The following MACC1 variants were observed in gnomAD, a reference collection of about 807,000 sequenced individuals.
MACC1 encodes the protein metastasis-associated in colon cancer protein 1.
In MACC1, 79 loss-of-function variants were observed where a neutral mutation model predicts 70.7. The ratio of observed to expected loss-of-function variants is 1.12; its 90% confidence interval spans 0.93 to 1.35. The LOEUF (loss-of-function observed/expected upper bound fraction) is 1.35. Among genes scored for constraint, MACC1 ranks in the 40% most tolerant of loss-of-function variants. The probability of loss-of-function intolerance (pLI) is 0.00; values close to 1 mark genes in which losing one functional copy is unlikely to be tolerated. For synonymous variants in MACC1, 361 were observed against 347.2 expected, an observed-to-expected ratio of 1.04 and a Z score of -0.44; for missense variants, 1,106 against 978.1, an observed-to-expected ratio of 1.13 and a Z score of -1.74.
chr7:20,194,996 T>A (rs1213335053), intron 1 of MACC1, among the ~76,000 whole-genome samples: 2 of 152,182 alleles, frequency 1.3e-5, no homozygotes, highest in Admixed American at 6.5e-5. Context: ...AGCTTGCCCA[T>A]TATGTCACAC....
intron 6 of MACC1, among the ~76,000 whole-genome samples, chr7:20,152,083 C>T (rs559699347): frequency 2.5e-4 from 38 of 152,146 alleles, no homozygotes; most frequent in Middle Eastern, 3.4e-3. Context: ...GTGTCTGTCA[C>T]GGAGTCAGTG....
intron 1 of MACC1, chr7:20,184,953 G>C (rs899222090): frequency 6.6e-6 from 1 of 152,008 alleles, no homozygotes; most frequent in African/African-American, 2.4e-5. Flanking sequence ...ATTATACTAA[G>C]TCTTAGAGAC....
At chr7:20,163,666 A>G (rs992800363) in intron 3 of MACC1, among the ~76,000 whole-genome samples, 4 of 152,224 alleles carry the variant, frequency 2.6e-5, no homozygotes, top group African/African-American at 9.6e-5. Context: ...CCTTCTTTAC[A>G]TATATAATTT....
In MACC1 at chr7:20,202,758, G is replaced by T. The variant is rs558516781; in HGVS notation, c.-218+14541C>A. Among the ~76,000 whole-genome samples, 68 of 152,292 alleles carry T rather than the reference G, an allele frequency of 4.5e-4. 1 individual carries two copies. Among genetic ancestry groups the T allele is most frequent in the Non-Finnish European group, 8.1e-4 (55 of 68,018 alleles). ...CACTTGAAATCGAGCTAGTTTTACT[G>T]AGAAATTGAATCGTTAATTTTCATC... On this transcript the variant is annotated intron_variant, in intron 1 of 6. Transcript: ENST00000400331.
intron 5 of MACC1, 122 bp from the exon 6 acceptor site, chr7:20,154,503 C>T: frequency 6.0e-6 from 6 of 999,474 alleles, no homozygotes; most frequent in Admixed American, 2.9e-5. Context: ...CACGTATAAT[C>T]GAGTTTTCTA....
rs976519736 is a variant in MACC1, at chr7:20,149,327, A to G, written c.2346+4866T>C. On this transcript the variant is annotated intron_variant, in intron 6 of 6. Coordinates refer to ENST00000400331, the MANE Select transcript of MACC1 (RefSeq NM_182762.4). The stretch of plus-strand genomic sequence containing the variant: ...TTCCAAAAATTACTCAAAGTTATAT[A>G]GTTATCAAATTCACCTTTTCCTCTT... Among the ~76,000 whole-genome samples the G allele has an allele frequency of 3.3e-5, 5 of 152,322 alleles. No individual in the cohort carries two copies. The South Asian group carries it at 1.0e-3, about 32-fold the overall frequency.
At chr7:20,154,541 G>C (rs1050669538) in intron 5 of MACC1, among the ~76,000 whole-genome samples, 160 bp from the exon 6 acceptor site, 1 of 152,088 alleles carries the variant, frequency 6.6e-6, no homozygotes, top group East Asian at 1.9e-4. Context: ...TCACATTTAA[G>C]CAAATTCTAT....
Position 20,136,044 on chromosome 7 carries a change from T to A in MACC1, c.*4902A>T, listed in dbSNP as rs2128098817. The A allele has an allele frequency of 6.6e-6, 1 of 152,268 alleles. No individual in the cohort carries two copies. The highest frequency in any genetic ancestry group is 2.1e-4 in the South Asian group (1 of 4,828). The allele number at this position is 152,268 out of a possible 1,614,324, so 9.4% of individuals were successfully genotyped here. A position where few individuals can be genotyped will look rare whatever the true frequency, so the allele number is the denominator to read the frequency against. Reference sequence around the variant, plus strand: ...TTCTCTTTTCTCAAAGCAAAAAGAATAAAGAAAAACGCAATACATTCTAGT... The same window carrying A: ...TTCTCTTTTCTCAAAGCAAAAAGAAAAAAGAAAAACGCAATACATTCTAGT... On this transcript the variant is annotated 3_prime_UTR_variant, in exon 7 of 7. Transcript: ENST00000400331.
intron 6 of MACC1, among the ~76,000 whole-genome samples, chr7:20,149,153 C>T (rs2128101086): frequency 6.6e-6 from 1 of 152,180 alleles, no homozygotes; most frequent in East Asian, 1.9e-4. Context: ...GCTGATCAGC[C>T]AAGACTTTAT....
rs552342035 is a variant in MACC1, at chr7:20,169,720, A to G, written c.-153+994T>C. Reference sequence around the variant, plus strand: ...TACAGTCCTTCTAGTATAAACTTGGAAAGATACTGAACATTTCTGGAACTC... The same window carrying G: ...TACAGTCCTTCTAGTATAAACTTGGGAAGATACTGAACATTTCTGGAACTC... On this transcript the variant is annotated intron_variant, in intron 2 of 6. Transcript: ENST00000400331. Among the ~76,000 whole-genome samples the G allele has an allele frequency of 2.0e-5, 3 of 152,348 alleles. No individual in the cohort carries two copies. In the South Asian group the frequency reaches 6.2e-4, roughly 32 times the overall value.
At chr7:20,205,512 T>C (rs767839588) in intron 1 of MACC1, among the ~76,000 whole-genome samples, 2 of 152,178 alleles carry the variant, frequency 1.3e-5, no homozygotes, top group Admixed American at 6.5e-5. Context: ...TCTATTTTTT[T>C]TTTGTAGTCG....
chr7:20,178,398 T>C (rs1782446332), intron 1 of MACC1, among the ~76,000 whole-genome samples: 1 of 152,172 alleles, frequency 6.6e-6, no homozygotes, highest in Admixed American at 6.5e-5. Context: ...TAACAAGGTT[T>C]ACAGTTGTAT....
chr7:20,172,175 G>T (rs551137964), intron 1 of MACC1, among the ~76,000 whole-genome samples: 1 of 152,286 alleles, frequency 6.6e-6, no homozygotes, highest in South Asian at 2.1e-4. Flanking sequence ...GAGGCATTGA[G>T]TCCAACTTAA....
At chr7:20,147,325 G>C (rs1454664458) in intron 6 of MACC1, 2 of 152,052 alleles carry the variant, frequency 1.3e-5, no homozygotes, top group Non-Finnish European at 2.9e-5. Context: ...TATAAAATAT[G>C]AATAGCATAA....
chr7:20,203,504 A>C (rs1295630822), intron 1 of MACC1, among the ~76,000 whole-genome samples: 1 of 152,188 alleles, frequency 6.6e-6, no homozygotes, highest in African/African-American at 2.4e-5. Flanking sequence ...TGATGCATCC[A>C]ATTTTTAAGT....
At position 20,135,514 on chromosome 7, in the gene MACC1, A is replaced by C. The variant is rs933770474; in HGVS notation, c.*5432T>G. The C allele has an allele frequency of 6.6e-6, 1 of 152,240 alleles. No individual in the cohort carries two copies. Among genetic ancestry groups the C allele is most frequent in the Non-Finnish European group, 1.5e-5 (1 of 68,034 alleles). 9.4% of individuals were successfully genotyped at this position (152,240 alleles called of 1,614,324 possible). ...AGGAAATTTTAATACAGTGGTTCTC[A>C]AACTGGGGTCCCTGGACCAGAAACA... is the stretch of plus-strand genomic sequence containing the variant. On this transcript the variant is annotated 3_prime_UTR_variant, in exon 7 of 7. Coordinates refer to ENST00000400331, the MANE Select transcript of MACC1 (RefSeq NM_182762.4).
intron 2 of MACC1, among the ~76,000 whole-genome samples, chr7:20,168,014 G>A (rs1355706668): frequency 1.3e-5 from 2 of 152,172 alleles, no homozygotes; most frequent in Non-Finnish European, 2.9e-5. Flanking sequence ...CATGAAGAAA[G>A]GAGAAAAGCA....
chr7:20,172,416 C>T (rs1259068102), intron 1 of MACC1, among the ~76,000 whole-genome samples: 1 of 152,032 alleles, frequency 6.6e-6, no homozygotes, highest in Non-Finnish European at 1.5e-5. Context: ...TCTTTTCTAT[C>T]TGTATGGATT....
At chr7:20,210,576 G>A (rs1189550037) in intron 1 of MACC1, among the ~76,000 whole-genome samples, 1 of 152,166 alleles carries the variant, frequency 6.6e-6, no homozygotes, top group African/African-American at 2.4e-5. Context: ...AGGAAATAAT[G>A]TGCATGCTTC....
Sources: allele counts gnomAD v4.1 joint callset (sites outside exome capture counted in the v4.1 genomes callset), GRCh38; gene constraint gnomAD v4.1.1; transcripts MANE v1.5; gene names NCBI Gene and HGNC (gene_info 2026-07-23, HGNC 2026-07-21).